The following NXPH1 variants were observed in gnomAD, a reference collection of about 807,000 sequenced individuals.
NXPH1 encodes the protein neurexophilin 1.
NXPH1 carries 5 observed loss-of-function variants against 23.7 expected under a neutral mutation model. The ratio of observed to expected loss-of-function variants is 0.21; its 90% CI spans 0.11 to 0.44. The LOEUF is 0.44. Among genes scored for constraint, NXPH1 ranks in the 20% least tolerant of loss-of-function variants. The probability of loss-of-function intolerance (pLI) is 0.99; values close to 1 mark genes in which losing one functional copy is unlikely to be tolerated. For synonymous variants in NXPH1, 144 were observed against 122.2 expected, an observed-to-expected ratio of 1.18 and a Z score of -1.18; for missense variants, 324 against 321.6, an observed-to-expected ratio of 1.01 and a Z score of -0.06.
chr7:8,683,011 A>G (rs1021658890), intron 2 of NXPH1, among the ~76,000 whole-genome samples: 3 of 152,214 alleles, frequency 2.0e-5, no homozygotes, highest in Admixed American at 2.0e-4. Context: ...ATTACCATAA[A>G]GGAATATCGT....
At chr7:8,539,902 T>C (rs921113179) in intron 2 of NXPH1, among the ~76,000 whole-genome samples, 1 of 151,874 alleles carries the variant, frequency 6.6e-6, no homozygotes, top group African/African-American at 2.4e-5. Flanking sequence ...TACAAATATT[T>C]TCATTAGTGA....
intron 2 of NXPH1, among the ~76,000 whole-genome samples, chr7:8,436,596 G>A (rs536784271): frequency 1.3e-5 from 2 of 152,272 alleles, no homozygotes; most frequent in Admixed American, 6.5e-5. Context: ...GAGACAAGGA[G>A]AATGAGATAT....
intron 2 of NXPH1, among the ~76,000 whole-genome samples, chr7:8,465,508 T>C (rs1336840457): frequency 1.3e-5 from 2 of 152,112 alleles, no homozygotes; most frequent in Non-Finnish European, 2.9e-5. Flanking sequence ...CCCTGACAAG[T>C]AGATAGATGA....
chr7:8,688,589 G>A (rs1453214916), intron 2 of NXPH1, among the ~76,000 whole-genome samples: 3 of 152,146 alleles, frequency 2.0e-5, no homozygotes, highest in Non-Finnish European at 4.4e-5. Context: ...GCAAAGATGC[G>A]ATAGAAAGTA....
chr7:8,676,333 C>T (rs1327221966), intron 2 of NXPH1, among the ~76,000 whole-genome samples: 2 of 152,136 alleles, frequency 1.3e-5, no homozygotes, highest in Admixed American at 1.3e-4. Context: ...GTGCTCTGTA[C>T]TTTAGTTGGC....
chr7:8,654,110 C>T (rs1474512854), intron 2 of NXPH1, among the ~76,000 whole-genome samples: 4 of 152,150 alleles, frequency 2.6e-5, no homozygotes, highest in African/African-American at 9.7e-5. Context: ...ATAACCTTCA[C>T]CTTTTGAAAA....
rs1238933514 is a variant in NXPH1, at chr7:8,442,101, C to A, written c.54+6334C>A. Among the ~76,000 whole-genome samples the A allele has an allele frequency of 6.6e-6, 1 of 152,078 alleles. No individual in the cohort carries two copies. Among genetic ancestry groups the A allele is most frequent in the African/African-American group, 2.4e-5 (1 of 41,392 alleles). On this transcript the variant is annotated intron_variant, in intron 2 of 2. Coordinates refer to ENST00000405863, the MANE Select transcript of NXPH1 (RefSeq NM_152745.3). The surrounding 1 kb of genome is among the most constrained non-coding windows in gnomAD (Gnocchi z 4.6). ...TCCCAGGAGCAGCAAGACAGTAGCT[C>A]CTCTCGGGCCACGGCTTACGAAAAG...
intron 2 of NXPH1, among the ~76,000 whole-genome samples, chr7:8,681,886 G>A (rs188540427): frequency 4.1e-4 from 62 of 152,300 alleles, no homozygotes; most frequent in African/African-American, 1.4e-3. Flanking sequence ...CAGCCCATAT[G>A]TGCGTCATTT....
intron 2 of NXPH1, among the ~76,000 whole-genome samples, chr7:8,666,139 AG>A (rs1820760493): frequency 1.3e-5 from 2 of 151,900 alleles, no homozygotes; most frequent in South Asian, 2.1e-4. Flanking sequence ...CATAGATAAA[AG>A]CTTTCAAGTT....
At chr7:8,631,911 G>C (rs917897501) in intron 2 of NXPH1, among the ~76,000 whole-genome samples, 12 of 152,076 alleles carry the variant, frequency 7.9e-5, no homozygotes, top group African/African-American at 2.7e-4. Context: ...AAATGTATTT[G>C]ATCAAGATGA....
chr7:8,581,305 G>A (rs1338898128), intron 2 of NXPH1, among the ~76,000 whole-genome samples: 1 of 152,130 alleles, frequency 6.6e-6, no homozygotes, highest in East Asian at 1.9e-4. Flanking sequence ...AATTTATAAA[G>A]AAAAGATGTT....
chr7:8,678,964 G>C (rs867732903), intron 2 of NXPH1, among the ~76,000 whole-genome samples: 1 of 45,720 alleles, frequency 2.2e-5, no homozygotes, highest in Non-Finnish European at 4.2e-5. Context: ...TTTTTTTTTT[G>C]TTGAGACGGA....
chr7:8,634,674 T>G (rs1276144301), intron 2 of NXPH1, among the ~76,000 whole-genome samples: 1 of 142,514 alleles, frequency 7.0e-6, no homozygotes, highest in African/African-American at 2.6e-5. Context: ...AGTTTTTTTT[T>G]TTTTTTTTTT....
chr7:8,714,028 G>T (rs555345467), intron 2 of NXPH1, among the ~76,000 whole-genome samples: 1 of 152,336 alleles, frequency 6.6e-6, no homozygotes, highest in African/African-American at 2.4e-5. Flanking sequence ...AAGTGTCAAA[G>T]CCAAACAAGG....
chr7:8,466,110 C>T (rs1816782732), intron 2 of NXPH1, among the ~76,000 whole-genome samples: 1 of 152,132 alleles, frequency 6.6e-6, no homozygotes, highest in South Asian at 2.1e-4. Flanking sequence ...CTTCTCTTGA[C>T]CCTCACTGAC....
At chr7:8,705,705 C>T (rs1490540365) in intron 2 of NXPH1, among the ~76,000 whole-genome samples, 1 of 152,100 alleles carries the variant, frequency 6.6e-6, no homozygotes, top group East Asian at 1.9e-4. Flanking sequence ...TTGATCTGGG[C>T]AATAGTTTTG....
rs1288639971 is a variant in NXPH1, at chr7:8,751,020, A to T, written c.67A>T (p.Asn23Tyr). The change falls in exon 3 of 3, where the codon AAT becomes TAT. Residue 23 changes from asparagine (N) to tyrosine (Y), a missense_variant. Physicochemically the swap from Asn to Tyr is moderately radical, Grantham distance 143. Transcript: ENST00000405863. This position sits in a 1 kb window ranked among gnomAD's most constrained non-coding sequence, Gnocchi z 4.5. ...QPTVYLVTCA[N>Y]LTNGGKSELL... ...CTTCTGTTTTCAGGTCACATGTGCC[A>T]ATTTAACGAACGGTGGAAAGTCAGA... 1 of 1,613,572 alleles carries T rather than the reference A, an allele frequency of 6.2e-7. No homozygotes were observed. The highest frequency in any genetic ancestry group is 1.7e-5 in the Admixed American group (1 of 59,990).
At chr7:8,687,768 A>G (rs1395534292) in intron 2 of NXPH1, among the ~76,000 whole-genome samples, 1 of 152,184 alleles carries the variant, frequency 6.6e-6, no homozygotes, top group Non-Finnish European at 1.5e-5. Context: ...GGTAATGTTC[A>G]AGGTTAGCTA....
chr7:8,554,319 TG>T (rs1818321841), intron 2 of NXPH1, among the ~76,000 whole-genome samples: 1 of 151,548 alleles, frequency 6.6e-6, no homozygotes, highest in Non-Finnish European at 1.5e-5. Context: ...GATCCAAACC[TG>T]GGGATGATGC....
Sources: gnomAD v4.1 joint callset for allele counts (sites outside exome capture counted in the v4.1 genomes callset) on GRCh38, gnomAD v4.1.1 for gene constraint, Gnocchi (gnomAD v3.1) non-coding constraint, MANE v1.5 for transcripts, NCBI Gene and HGNC (gene_info 2026-07-23, HGNC 2026-07-21) for gene names.